ROBO2: variants seen among roughly 807,000 people sequenced by gnomAD.
ROBO2 encodes the protein roundabout homolog 2.
ROBO2 carries 53 observed loss-of-function variants against 160.8 expected under a neutral mutation model. That is an observed-to-expected ratio of 0.33 (90% CI 0.26 to 0.41). ROBO2 has a LOEUF of 0.41. Among genes scored for constraint, ROBO2 ranks in the 10% least tolerant of loss-of-function variants. The pLI is 1.00. For missense variants in ROBO2, 1,577 were observed against 1,722.4 expected, an observed-to-expected ratio of 0.92 and a Z score of 1.49; for synonymous variants, 664 against 611.7, an observed-to-expected ratio of 1.09 and a Z score of -1.26.
At chr3:76,518,883 G>T (rs1288053602) in intron 2 of ROBO2, among the ~76,000 whole-genome samples, 1 of 152,118 alleles carries the variant, frequency 6.6e-6, no homozygotes, top group African/African-American at 2.4e-5. Flanking sequence ...ATGAATAACA[G>T]TTTATCCTTC....
chr3:76,825,624 A>T (rs2066512857), intron 2 of ROBO2, among the ~76,000 whole-genome samples: 1 of 148,384 alleles, frequency 6.7e-6, no homozygotes, highest in Admixed American at 6.8e-5. Context: ...AAAAAAAAAA[A>T]AAAAAAAATG....
chr3:77,196,535 A>G (rs559389410), intron 2 of ROBO2, among the ~76,000 whole-genome samples: 23 of 152,116 alleles, frequency 1.5e-4, no homozygotes, highest in African/African-American at 5.1e-4. Flanking sequence ...CTCAACAAAT[A>G]GTTATGTTTT....
chr3:76,921,850 A>G (rs2076682203), intron 2 of ROBO2, among the ~76,000 whole-genome samples: 1 of 152,166 alleles, frequency 6.6e-6, no homozygotes, highest in African/African-American at 2.4e-5. Flanking sequence ...CTCACTTTCT[A>G]GGATTATGTG....
intron 2 of ROBO2, among the ~76,000 whole-genome samples, chr3:77,188,336 A>AT (rs2081477009): frequency 6.6e-6 from 1 of 151,396 alleles, no homozygotes; most frequent in African/African-American, 2.4e-5. Context: ...TATTAGTCAA[A>AT]CAGAGCTACC....
chr3:76,789,290 G>A (rs900381012), intron 2 of ROBO2, among the ~76,000 whole-genome samples: 1 of 151,414 alleles, frequency 6.6e-6, no homozygotes, highest in African/African-American at 2.4e-5. Context: ...CATAGCAATG[G>A]CTTCGTTTTT....
At chr3:77,156,966 A>C (rs948663296) in intron 2 of ROBO2, among the ~76,000 whole-genome samples, 8 of 152,042 alleles carry the variant, frequency 5.3e-5, no homozygotes, top group African/African-American at 1.9e-4. Context: ...AACTTGGTAG[A>C]AATACAAATT....
At chr3:76,595,478 T>A (rs1229375310) in intron 2 of ROBO2, among the ~76,000 whole-genome samples, 1 of 152,180 alleles carries the variant, frequency 6.6e-6, no homozygotes, top group East Asian at 1.9e-4. Context: ...CATTCTTACT[T>A]GTGTGACACT....
chr3:76,731,923 T>TTATTGATTA (rs1452821171), intron 2 of ROBO2, among the ~76,000 whole-genome samples: 1 of 152,164 alleles, frequency 6.6e-6, no homozygotes, highest in Admixed American at 6.5e-5. Context: ...TAACATGTAT[T>TTATTGATTA]TATTGATTAT....
At chr3:76,139,906 C>T (rs997735752) in intron 2 of ROBO2, among the ~76,000 whole-genome samples, 3 of 151,958 alleles carry the variant, frequency 2.0e-5, no homozygotes, top group East Asian at 3.9e-4. Flanking sequence ...TCAAAGTCTT[C>T]GGAGCTTATC....
At chr3:77,500,158 A>C (rs2087374948) in intron 5 of ROBO2, among the ~76,000 whole-genome samples, 1 of 152,184 alleles carries the variant, frequency 6.6e-6, no homozygotes, top group South Asian at 2.1e-4. Context: ...CATTATTATA[A>C]AAAGATGTGT....
chr3:75,976,491 G>T (rs886170541), intron 2 of ROBO2, among the ~76,000 whole-genome samples: 1 of 151,322 alleles, frequency 6.6e-6, no homozygotes, highest in Non-Finnish European at 1.5e-5. Context: ...GTAGAAAGAA[G>T]GGAAATTTTT....
chr3:77,597,636 G>A (rs1417575018), intron 19 of ROBO2, among the ~76,000 whole-genome samples: 1 of 152,020 alleles, frequency 6.6e-6, no homozygotes, highest in Non-Finnish European at 1.5e-5. Flanking sequence ...CTACCAATTG[G>A]GAGTAAGAAA....
intron 1 of ROBO2, among the ~76,000 whole-genome samples, chr3:77,078,098 T>C (rs1165446030): frequency 6.6e-6 from 1 of 152,182 alleles, no homozygotes; most frequent in Admixed American, 6.5e-5. Flanking sequence ...GACTACATTT[T>C]ATTTCCACTC....
At chr3:77,499,913 C>T (rs1003479418) in intron 5 of ROBO2, among the ~76,000 whole-genome samples, 1 of 152,096 alleles carries the variant, frequency 6.6e-6, no homozygotes, top group African/African-American at 2.4e-5. Flanking sequence ...TCCCAAACTG[C>T]TGGGATTACA....
chr3:76,296,507 C>A (rs1480549130), intron 2 of ROBO2, among the ~76,000 whole-genome samples: 1 of 152,118 alleles, frequency 6.6e-6, no homozygotes, highest in East Asian at 1.9e-4. Context: ...TGGTTAAAGA[C>A]CTGTGCCTCT....
chr3:77,064,236 CATT>C (rs964439045), intron 1 of ROBO2, among the ~76,000 whole-genome samples: 1 of 151,266 alleles, frequency 6.6e-6, no homozygotes, highest in Non-Finnish European at 1.5e-5. Context: ...AAGGTGTAAA[CATT>C]AGTTTATAAA....
At chr3:77,090,520 C>A (rs979700499) in intron 1 of ROBO2, among the ~76,000 whole-genome samples, 2 of 151,106 alleles carry the variant, frequency 1.3e-5, no homozygotes, top group African/African-American at 4.9e-5. Context: ...GCCCGGCTAA[C>A]TTTTTTTGTA....
intron 2 of ROBO2, among the ~76,000 whole-genome samples, chr3:76,137,662 C>G (rs761402881): frequency 1.3e-5 from 2 of 151,480 alleles, no homozygotes; most frequent in Admixed American, 1.3e-4. Flanking sequence ...AAAGTGTTGG[C>G]AGAGTTGCTC....
At chr3:76,046,957 A>G (rs891706331) in intron 2 of ROBO2, among the ~76,000 whole-genome samples, 4 of 152,172 alleles carry the variant, frequency 2.6e-5, no homozygotes, top group African/African-American at 4.8e-5. Context: ...TTCTGACACC[A>G]TCTTGCTTCC....
Sources: allele counts gnomAD v4.1 joint callset (sites outside exome capture counted in the v4.1 genomes callset), GRCh38; gene constraint gnomAD v4.1.1; transcripts MANE v1.5; gene names NCBI Gene and HGNC (gene_info 2026-07-23, HGNC 2026-07-21).